Variants in TAFA1 observed in about 807,000 individuals in gnomAD.
TAFA1 encodes the protein TAFA chemokine like family member 1, also known as chemokine-like protein TAFA-1.
Under a neutral mutation model 18.5 loss-of-function variants are expected in TAFA1, and 4 were observed. That is an observed-to-expected ratio of 0.22 (90% CI 0.11 to 0.49). TAFA1 has a LOEUF of 0.49. Ranked by LOEUF, TAFA1 falls within the 20% of genes least tolerant of loss-of-function variation. The pLI is 0.98. For missense variants in TAFA1, 147 were observed against 169.0 expected (o/e 0.87, Z 0.72); for synonymous variants, 56 against 55.2 (o/e 1.01, Z -0.06).
At chr3:68,101,804 C>A (rs2106818744) in intron 2 of TAFA1, among the ~76,000 whole-genome samples, 1 of 152,154 alleles carries the variant, frequency 6.6e-6, no homozygotes, top group Admixed American at 6.5e-5. Flanking sequence ...CAAAAACTGG[C>A]AAATTCCTCC....
chr3:68,079,761 G>T lies in TAFA1; in HGVS notation c.118+73017G>T, dbSNP rs1168031104. Among the ~76,000 whole-genome samples the T allele has an allele frequency of 3.3e-5, 5 of 152,096 alleles. No individual in the cohort carries two copies. In the East Asian group the frequency reaches 9.6e-4, roughly 29 times the overall value. On this transcript the variant is annotated intron_variant, in intron 2 of 4. Coordinates refer to ENST00000478136, the MANE Select transcript of TAFA1 (RefSeq NM_213609.4). ...TGTGGTCAATTTTGGAATAGGTGTGGTGTGGTGCTGAAAAAAATGTATATT... is the reference window on the plus strand; with the variant it reads ...TGTGGTCAATTTTGGAATAGGTGTGTTGTGGTGCTGAAAAAAATGTATATT...
chr3:68,494,132 C>A (rs745927315), intron 3 of TAFA1, among the ~76,000 whole-genome samples: 4 of 152,142 alleles, frequency 2.6e-5, no homozygotes, highest in Non-Finnish European at 5.9e-5. Flanking sequence ...GACAGAGTCT[C>A]GCTCTGTCAC....
rs1003355546 is a variant in TAFA1, at chr3:68,189,836, G to A, written c.118+183092G>A. 2.6e-4 allele frequency among the ~76,000 whole-genome samples: 40 copies of A among 151,880 alleles called. 1 individual carries two copies. The highest frequency in any genetic ancestry group is 2.5e-3 in the Admixed American group (38 of 15,200). On this transcript the variant is annotated intron_variant, in intron 2 of 4. Transcript: ENST00000478136. ...TATGCCTGGCACAAAAGAAGCTGCC[G>A]TTAATATTGCTGTTGTCACTGCTGC... is the stretch of plus-strand genomic sequence containing the variant.
At chr3:68,302,129 G>A (rs1296911706) in intron 2 of TAFA1, among the ~76,000 whole-genome samples, 1 of 152,020 alleles carries the variant, frequency 6.6e-6, no homozygotes, top group East Asian at 1.9e-4. Context: ...CCCTAATTTA[G>A]GAAGAGAGAA....
intron 3 of TAFA1, among the ~76,000 whole-genome samples, chr3:68,470,324 A>G (rs371916027): frequency 6.6e-6 from 1 of 152,178 alleles, no homozygotes; most frequent in East Asian, 1.9e-4. Context: ...AGAACAGACT[A>G]ATACAGTAAA....
intron 2 of TAFA1, among the ~76,000 whole-genome samples, chr3:68,370,101 A>G (rs2069649881): frequency 6.7e-6 from 1 of 150,372 alleles, no homozygotes; most frequent in African/African-American, 2.5e-5. Context: ...ATCCTGGCTA[A>G]CACGGTGAAA....
intron 2 of TAFA1, among the ~76,000 whole-genome samples, chr3:68,214,560 T>C (rs1450740792): frequency 1.3e-5 from 2 of 152,094 alleles, no homozygotes; most frequent in African/African-American, 2.4e-5. Context: ...GTTCACACTC[T>C]CATGCCGTTT....
chr3:68,500,121 A>AT (rs1269411514), intron 3 of TAFA1, among the ~76,000 whole-genome samples: 2 of 151,416 alleles, frequency 1.3e-5, no homozygotes, highest in East Asian at 1.9e-4. Context: ...CCAAGCTCAC[A>AT]TTTTTTCTGG....
intron 2 of TAFA1, among the ~76,000 whole-genome samples, chr3:68,125,393 T>C (rs1404489479): frequency 6.6e-6 from 1 of 152,248 alleles, no homozygotes; most frequent in Non-Finnish European, 1.5e-5. Flanking sequence ...CAAGTGCTAC[T>C]GCTGCTCGTT....
rs544400472 is a variant in TAFA1 at position 68,366,173 on chromosome 3, T to C, written c.119-51107T>C. On this transcript the variant is annotated intron_variant, in intron 2 of 4. Transcript: ENST00000478136. ...CATATTGGGGAAACCGCCCCCATGA[T>C]TCAGTTATCTCCCATGGGGTCCCTC... Among the ~76,000 whole-genome samples, 8 of 151,786 alleles carry C rather than the reference T, an allele frequency of 5.3e-5. No individual in the cohort carries two copies. In the East Asian group the frequency reaches 1.2e-3, roughly 22 times the overall value.
chr3:68,230,332 AT>A (rs909540276), intron 2 of TAFA1, among the ~76,000 whole-genome samples: 4 of 151,342 alleles, frequency 2.6e-5, no homozygotes, highest in Admixed American at 6.6e-5. Context: ...CATGAGATCA[AT>A]TTTTTTTAAT....
chr3:68,438,401 A>AT (rs2071303687), intron 3 of TAFA1, among the ~76,000 whole-genome samples: 1 of 152,144 alleles, frequency 6.6e-6, no homozygotes, highest in African/African-American at 2.4e-5. Context: ...CTCTGGCTCC[A>AT]TATCTGCATT....
intron 2 of TAFA1, among the ~76,000 whole-genome samples, chr3:68,329,788 A>G (rs138313012): frequency 4.9e-4 from 75 of 152,316 alleles, no homozygotes; most frequent in African/African-American, 1.3e-3. Flanking sequence ...TCTCTGACCT[A>G]TCATGTTTAT....
chr3:68,160,358 G>A (rs2065910660), intron 2 of TAFA1, among the ~76,000 whole-genome samples: 1 of 152,178 alleles, frequency 6.6e-6, no homozygotes, highest in Non-Finnish European at 1.5e-5. Context: ...TGATGGACGT[G>A]GCTGTGTTTC....
chr3:68,122,036 C>T (rs2065405901), intron 2 of TAFA1, among the ~76,000 whole-genome samples: 1 of 152,114 alleles, frequency 6.6e-6, no homozygotes, highest in Admixed American at 6.5e-5. Flanking sequence ...CTTTTACGTT[C>T]ACAGCTATCT....
intron 2 of TAFA1, among the ~76,000 whole-genome samples, chr3:68,321,952 C>T (rs537558039): frequency 1.8e-4 from 28 of 152,176 alleles, no homozygotes; most frequent in Non-Finnish European, 3.4e-4. Flanking sequence ...AAAGAAGTTC[C>T]CATGCATTTC....
chr3:68,094,347 C>T (rs1174541742), intron 2 of TAFA1, among the ~76,000 whole-genome samples: 1 of 152,078 alleles, frequency 6.6e-6, no homozygotes, highest in East Asian at 1.9e-4. Context: ...CTTACTGTCT[C>T]ACTTCCTCAA....
At chr3:68,007,349 T>A (rs887378727) in intron 2 of TAFA1, among the ~76,000 whole-genome samples, 4 of 152,156 alleles carry the variant, frequency 2.6e-5, no homozygotes, top group African/African-American at 9.7e-5. Flanking sequence ...GTTTTTCCTA[T>A]ATTGAATTTT....
At chr3:68,351,152 T>C (rs1350741558) in intron 2 of TAFA1, among the ~76,000 whole-genome samples, 2 of 152,084 alleles carry the variant, frequency 1.3e-5, no homozygotes, top group Non-Finnish European at 2.9e-5. Context: ...ATCAGTATTG[T>C]TAAAATTCCT....
Sources: allele counts gnomAD v4.1 joint callset (sites outside exome capture counted in the v4.1 genomes callset), GRCh38; gene constraint gnomAD v4.1.1; transcripts MANE v1.5; gene names NCBI Gene and HGNC (gene_info 2026-07-23, HGNC 2026-07-21).